RHOQ: variants seen among roughly 807,000 people sequenced by gnomAD.
RHOQ encodes the protein ras homolog family member Q.
In RHOQ, 7 loss-of-function variants were observed where a neutral mutation model predicts 25.8. That is an observed-to-expected ratio of 0.27 (90% CI 0.15 to 0.51). The LOEUF (loss-of-function observed/expected upper bound fraction) is 0.51, where lower values mean the gene tolerates loss of function less well. Ranked by LOEUF, RHOQ falls within the 20% of genes least tolerant of loss-of-function variation. RHOQ has a pLI of 0.97. For missense variants in RHOQ, 165 were observed against 260.6 expected, an observed-to-expected ratio of 0.63 and a Z score of 2.53; for synonymous variants, 97 against 98.6, an observed-to-expected ratio of 0.98 and a Z score of 0.10.
chr2:46,560,725 T>G (rs1558686660), intron 2 of RHOQ: 1 of 432,926 alleles, frequency 2.3e-6, no homozygotes, highest in Non-Finnish European at 4.8e-6. Context: ...ATGCAATTTC[T>G]ACTTTGCTAG....
chr2:46,578,053 G>A (rs1669198030), intron 4 of RHOQ, among the ~76,000 whole-genome samples: 1 of 152,152 alleles, frequency 6.6e-6, no homozygotes, highest in Non-Finnish European at 1.5e-5. Context: ...GAGTTAATCA[G>A]AAGCAGCCAC....
chr2:46,568,690 TC>T (rs1334724366), intron 2 of RHOQ: 5 of 152,146 alleles, frequency 3.3e-5, no homozygotes, highest in Non-Finnish European at 7.3e-5. Context: ...GTTTCCCCAT[TC>T]ATTTTGGCAA....
rs1177821830 is a variant in RHOQ, at chr2:46,548,413, C to G, written c.201+4601C>G. Among the ~76,000 whole-genome samples the G allele has an allele frequency of 1.3e-5, 2 of 152,210 alleles. No individual in the cohort carries two copies. The highest frequency in any genetic ancestry group is 2.4e-5 in the African/African-American group (1 of 41,456). On this transcript the variant is annotated intron_variant, in intron 2 of 4. Transcript: ENST00000238738. The surrounding 1 kb of genome is among the most constrained non-coding windows in gnomAD (Gnocchi z 5.2). Reference sequence around the variant, plus strand: ...GAAGGAGAAAGGGCCATGGGATCACCACTCACCAGGCTCCTCCCACCTCCA... The same window carrying G: ...GAAGGAGAAAGGGCCATGGGATCACGACTCACCAGGCTCCTCCCACCTCCA...
chr2:46,550,448 C>T (rs1668205627), intron 2 of RHOQ, among the ~76,000 whole-genome samples: 1 of 152,200 alleles, frequency 6.6e-6, no homozygotes, highest in Non-Finnish European at 1.5e-5. Flanking sequence ...TGTCTTTACA[C>T]AGGCCCAGGG....
intron 2 of RHOQ, chr2:46,572,722 A>G (rs1398714181): frequency 2.2e-6 from 1 of 446,716 alleles, no homozygotes; most frequent in African/African-American, 2.0e-5. Context: ...TGGGTTTGTT[A>G]ATTAGGAGGA....
At chr2:46,579,525 A>G (rs962381506) in intron 4 of RHOQ, among the ~76,000 whole-genome samples, 1 of 152,142 alleles carries the variant, frequency 6.6e-6, no homozygotes, top group African/African-American at 2.4e-5. Flanking sequence ...TTCTTCTTTT[A>G]CCCTCCAAGC....
rs1668850994 is a variant in RHOQ, at chr2:46,569,702, T to C, written c.202-6385T>C. ...GGCTGACTTATTATAAATCAAAACA[T>C]ATGAAGATGACAGTAGCTAAAAGTA... On this transcript the variant is annotated intron_variant, in intron 2 of 4. Transcript: ENST00000238738. This position sits in a 1 kb window ranked among gnomAD's most constrained non-coding sequence, Gnocchi z 4.1. 1.3e-5 allele frequency: 2 copies of C among 152,168 alleles called. No homozygotes were observed. The highest frequency in any genetic ancestry group is 4.1e-4 in the South Asian group (2 of 4,834). 9.4% of individuals were successfully genotyped at this position (152,168 alleles called of 1,614,324 possible).
At chr2:46,543,373 AC>A (rs1667903071) in intron 1 of RHOQ, 185 bp downstream of exon 1, 1 of 583,320 alleles carries the variant, frequency 1.7e-6, no homozygotes. Flanking sequence ...CCGCTGATCC[AC>A]CCCCTCTCCC....
In RHOQ at chr2:46,583,084, G is replaced by A. The variant is rs762720603; in HGVS notation, c.*2001G>A. The A allele has an allele frequency of 6.6e-6, 1 of 151,984 alleles. No homozygotes were observed. Among genetic ancestry groups the A allele is most frequent in the Non-Finnish European group, 1.5e-5 (1 of 67,948 alleles). 9.4% of individuals were successfully genotyped at this position (151,984 alleles called of 1,614,324 possible). On this transcript the variant is annotated 3_prime_UTR_variant, in exon 5 of 5. Coordinates refer to ENST00000238738, the MANE Select transcript of RHOQ (RefSeq NM_012249.4). ...GAGTTGTCCAACACATGGTATAAAC[G>A]AATTACAACAGTAAACTATTACACA...
Position 46,583,935 on chromosome 2 carries a change from C to T in RHOQ, c.*2852C>T, listed in dbSNP as rs540185830. Among the ~76,000 whole-genome samples the T allele has an allele frequency of 8.5e-5, 13 of 152,152 alleles. No homozygotes were observed. The South Asian group carries it at 2.7e-3, about 32-fold the overall frequency. On this transcript the variant is annotated 3_prime_UTR_variant, in exon 5 of 5. Transcript: ENST00000238738. ...GTTCTTAAAAATAAATTTAGGGGCTCCCTGAAATTTTATTTAATACTTTGC... is the reference window on the plus strand; with the variant it reads ...GTTCTTAAAAATAAATTTAGGGGCTTCCTGAAATTTTATTTAATACTTTGC...
rs766519381 is a variant in RHOQ, at chr2:46,556,329, T to TC, written c.201+12520dup. On this transcript the variant is annotated intron_variant, in intron 2 of 4. Coordinates refer to ENST00000238738, the MANE Select transcript of RHOQ (RefSeq NM_012249.4). The surrounding 1 kb of genome is among the most constrained non-coding windows in gnomAD (Gnocchi z 4.9). ...CAGTTGTTCTTCCATGGCCATTCTT[T>TC]CCCGGGCTCTGGGGACTATTTTCAG... 2.6e-5 allele frequency among the ~76,000 whole-genome samples: 4 copies of TC among 152,136 alleles called. No homozygotes were observed. The highest frequency in any genetic ancestry group is 5.9e-5 in the Non-Finnish European group (4 of 68,016).
intron 4 of RHOQ, among the ~76,000 whole-genome samples, chr2:46,579,778 G>C (rs1669277735): frequency 6.6e-6 from 1 of 151,734 alleles, no homozygotes; most frequent in Non-Finnish European, 1.5e-5. Context: ...CCAGAAGGCA[G>C]AGGTTGTGAT....
rs573422957 is a variant in RHOQ at position 46,579,872 on chromosome 2, C to T, written c.463-1056C>T. Among the ~76,000 whole-genome samples, 4 of 151,288 alleles carry T rather than the reference C, an allele frequency of 2.6e-5. No individual in the cohort carries two copies. The South Asian group carries it at 8.3e-4, about 32-fold the overall frequency. On this transcript the variant is annotated intron_variant, in intron 4 of 4. Coordinates refer to ENST00000238738, the MANE Select transcript of RHOQ (RefSeq NM_012249.4). ...AAAAAAAAAAAGCCCTGAAGTCGTA[C>T]TTGACCTTGCTCTTTCTCCCATACC...
At chr2:46,543,928 C>T in intron 2 of RHOQ, 116 bp downstream of exon 2, 1 of 791,762 alleles carries the variant, frequency 1.3e-6, no homozygotes. Context: ...CGACGGGCTT[C>T]CCCTGGATTA....
intron 2 of RHOQ, among the ~76,000 whole-genome samples, chr2:46,558,055 GTA>G (rs1369405766): frequency 6.6e-6 from 1 of 152,142 alleles, no homozygotes; most frequent in Non-Finnish European, 1.5e-5. Flanking sequence ...GGTTTTCACT[GTA>G]TGTCTCAGCT....
intron 2 of RHOQ, among the ~76,000 whole-genome samples, chr2:46,575,828 G>A (rs1224020570): frequency 2.0e-5 from 3 of 152,100 alleles, no homozygotes; most frequent in Admixed American, 6.5e-5. Context: ...TAGTGACAGC[G>A]TTAGTGATCA....
chr2:46,581,607 A>G lies in RHOQ; in HGVS notation c.*524A>G. The G allele has an allele frequency of 2.5e-6, 4 of 1,608,652 alleles. No individual in the cohort carries two copies. The highest frequency in any genetic ancestry group is 1.3e-5 in the African/African-American group (1 of 74,838). Reference sequence around the variant, plus strand: ...TGGGCCATACCTGAGGAGAGAATGTATGAGATCAAAAAAGAACAAATGTTT... The same window carrying G: ...TGGGCCATACCTGAGGAGAGAATGTGTGAGATCAAAAAAGAACAAATGTTT... On this transcript the variant is annotated 3_prime_UTR_variant, in exon 5 of 5. Transcript: ENST00000238738.
Position 46,543,122 on chromosome 2 carries a change from C to A in RHOQ, c.76C>A (p.Leu26Ile), listed in dbSNP as rs1193227246. ...GDGAVGKTCL[L>I]MSYANDAFPE... ...CGGGGCGGTGGGCAAGACGTGCCTA[C>A]TCATGAGCTATGCCAACGACGCCTT... is the stretch of plus-strand genomic sequence containing the variant. Residue 26 changes from leucine (L) to isoleucine (I), a missense_variant, in exon 1 of 5, where the codon CTC becomes ATC. Transcript: ENST00000238738. 6 of 1,611,696 alleles carry A rather than the reference C, an allele frequency of 3.7e-6. No individual in the cohort carries two copies. Among genetic ancestry groups the A allele is most frequent in the Non-Finnish European group, 5.1e-6 (6 of 1,179,052 alleles).
intron 2 of RHOQ, among the ~76,000 whole-genome samples, chr2:46,553,605 G>T (rs1276336703): frequency 5.3e-5 from 8 of 150,692 alleles, no homozygotes; most frequent in Middle Eastern, 3.4e-3. Flanking sequence ...TTTTGAGACA[G>T]AGTCTCGCTC....
Sources: allele counts gnomAD v4.1 joint callset (sites outside exome capture counted in the v4.1 genomes callset), GRCh38; gene constraint gnomAD v4.1.1; non-coding constraint Gnocchi (gnomAD v3.1); transcripts MANE v1.5; gene names NCBI Gene and HGNC (gene_info 2026-07-23, HGNC 2026-07-21).